Variants in KCNQ5 observed in about 807,000 individuals in gnomAD.
The protein encoded by KCNQ5 is potassium voltage-gated channel subfamily Q member 5.
KCNQ5 carries 30 observed loss-of-function variants against 98.2 expected under a neutral mutation model. The observed-to-expected ratio is 0.31, with a 90% CI of 0.23 to 0.41. The LOEUF is 0.41. Among genes scored for constraint, KCNQ5 ranks in the 10% least tolerant of loss-of-function variants. The pLI is 1.00. For synonymous variants in KCNQ5, 458 were observed against 449.4 expected, an observed-to-expected ratio of 1.02 and a Z score of -0.24; for missense variants, 835 against 1,182.5, an observed-to-expected ratio of 0.71 and a Z score of 4.31.
At chr6:73,178,115 GT>G (rs5877359) in intron 11 of KCNQ5, among the ~76,000 whole-genome samples, 8,618 of 144,286 alleles carry the variant, frequency 0.06, 271 homozygotes, top group Middle Eastern at 0.095. Context: ...TTATTATTTG[GT>G]TTTTTTTTTT....
At chr6:72,736,084 T>C (rs997660144) in intron 1 of KCNQ5, among the ~76,000 whole-genome samples, 18 of 148,528 alleles carry the variant, frequency 1.2e-4, no homozygotes, top group Non-Finnish European at 2.1e-4. Flanking sequence ...TGTGTACACA[T>C]ACACACACAC....
intron 10 of KCNQ5, among the ~76,000 whole-genome samples, chr6:73,159,310 C>T (rs1017826876): frequency 6.6e-6 from 1 of 152,088 alleles, no homozygotes; most frequent in African/African-American, 2.4e-5. Flanking sequence ...AACACATGGA[C>T]ACAAAGAGGG....
At chr6:72,746,170 T>G (rs1771394882) in intron 1 of KCNQ5, among the ~76,000 whole-genome samples, 3 of 148,352 alleles carry the variant, frequency 2.0e-5, no homozygotes, top group Admixed American at 2.0e-4. Context: ...ACAAATCAAC[T>G]CACAACAATG....
At chr6:72,632,542 G>C (rs767333030) in intron 1 of KCNQ5, among the ~76,000 whole-genome samples, 1 of 152,052 alleles carries the variant, frequency 6.6e-6, no homozygotes, top group Non-Finnish European at 1.5e-5. Context: ...AGTGAGCATA[G>C]TACCCAATTG....
chr6:72,872,115 A>C (rs186675652), intron 1 of KCNQ5, among the ~76,000 whole-genome samples: 5 of 152,304 alleles, frequency 3.3e-5, no homozygotes, highest in Middle Eastern at 3.4e-3. Context: ...GGAAGAGAAA[A>C]TGATTTTATG....
At chr6:72,703,682 T>C (rs1768936720) in intron 1 of KCNQ5, among the ~76,000 whole-genome samples, 1 of 152,244 alleles carries the variant, frequency 6.6e-6, no homozygotes, top group Non-Finnish European at 1.5e-5. Flanking sequence ...GTCAGTATTT[T>C]TAAGTATTCC....
chr6:72,663,183 T>G (rs1766616197), intron 1 of KCNQ5, among the ~76,000 whole-genome samples: 1 of 152,068 alleles, frequency 6.6e-6, no homozygotes, highest in African/African-American at 2.4e-5. Context: ...AAATACCTAA[T>G]GTAGGTGATG....
At chr6:72,815,836 C>T (rs1775486917) in intron 1 of KCNQ5, among the ~76,000 whole-genome samples, 1 of 152,134 alleles carries the variant, frequency 6.6e-6, no homozygotes, top group Non-Finnish European at 1.5e-5. Context: ...CCAGACAGCC[C>T]CAAAAGAAGA....
At chr6:72,928,310 T>C (rs1178107774) in intron 1 of KCNQ5, among the ~76,000 whole-genome samples, 1 of 152,014 alleles carries the variant, frequency 6.6e-6, no homozygotes, top group Non-Finnish European at 1.5e-5. Flanking sequence ...AAAACAAGGG[T>C]ACTAAAATAT....
intron 1 of KCNQ5, among the ~76,000 whole-genome samples, chr6:72,654,412 A>C (rs1331417668): frequency 6.6e-6 from 1 of 152,114 alleles, no homozygotes. Flanking sequence ...TATGTGCTAG[A>C]TACTGTGCAT....
intron 1 of KCNQ5, among the ~76,000 whole-genome samples, chr6:72,766,465 T>C (rs1401411591): frequency 1.3e-5 from 2 of 151,916 alleles, no homozygotes; most frequent in Non-Finnish European, 2.9e-5. Flanking sequence ...AAAAAGATAA[T>C]GGATATGGCG....
intron 10 of KCNQ5, 41 bp downstream of exon 10, chr6:73,133,682 C>T (rs374865250): frequency 6.6e-7 from 1 of 1,524,120 alleles, no homozygotes; most frequent in Admixed American, 1.7e-5. Context: ...ATTGGATAGG[C>T]TATAGTGAGT....
intron 1 of KCNQ5, among the ~76,000 whole-genome samples, chr6:72,927,118 A>G (rs1295433028): frequency 6.6e-6 from 1 of 152,208 alleles, no homozygotes; most frequent in Non-Finnish European, 1.5e-5. Flanking sequence ...TAAATTTTAT[A>G]AAACTGGCTA....
intron 10 of KCNQ5, among the ~76,000 whole-genome samples, chr6:73,160,455 T>C (rs997522100): frequency 1.1e-4 from 16 of 152,174 alleles, no homozygotes; most frequent in Admixed American, 4.6e-4. Context: ...TGGCTGCGAG[T>C]AGAAGACAAT....
intron 11 of KCNQ5, 105 bp downstream of exon 11, chr6:73,169,959 A>C: frequency 4.0e-6 from 3 of 745,828 alleles, no homozygotes; most frequent in Non-Finnish European, 7.1e-6. Flanking sequence ...TGGAATAACC[A>C]CTTTCCCTTT....
chr6:72,674,168 G>A (rs189912790), intron 1 of KCNQ5, among the ~76,000 whole-genome samples: 24 of 152,014 alleles, frequency 1.6e-4, no homozygotes, highest in Admixed American at 1.5e-3. Flanking sequence ...ATATCTATCT[G>A]TATGTCTGCC....
intron 10 of KCNQ5, chr6:73,134,095 A>G (rs898541371): frequency 2.3e-6 from 1 of 427,848 alleles, no homozygotes; most frequent in Non-Finnish European, 4.8e-6. Flanking sequence ...CCTCTCTCAC[A>G]CACTCCATCT....
At chr6:73,096,616 T>G (rs1451411486) in intron 5 of KCNQ5, among the ~76,000 whole-genome samples, 3 of 152,340 alleles carry the variant, frequency 2.0e-5, no homozygotes, top group Admixed American at 1.3e-4. Context: ...CCTTTACTTT[T>G]CTTTCATTGT....
chr6:72,681,409 A>G (rs571687985), intron 1 of KCNQ5, among the ~76,000 whole-genome samples: 6 of 152,262 alleles, frequency 3.9e-5, no homozygotes, highest in African/African-American at 1.4e-4. Flanking sequence ...TATTATCTCT[A>G]TTTTACAGGC....
Sources: gnomAD v4.1 joint callset for allele counts (sites outside exome capture counted in the v4.1 genomes callset) on GRCh38, gnomAD v4.1.1 for gene constraint, MANE v1.5 for transcripts, NCBI Gene and HGNC (gene_info 2026-07-23, HGNC 2026-07-21) for gene names.